Variants in TSC2 observed in about 807,000 individuals in gnomAD.
TSC2 encodes TSC complex subunit 2.
Under a neutral mutation model 202.2 loss-of-function variants are expected in TSC2, and 29 were observed. The ratio of observed to expected loss-of-function variants is 0.14; its 90% confidence interval spans 0.11 to 0.20. The LOEUF is 0.20. TSC2 is among the 10% of genes least tolerant of loss of function. TSC2 has a pLI of 1.00. For synonymous variants in TSC2, 1,349 were observed against 1,044.0 expected, an observed-to-expected ratio of 1.29 and a Z score of -5.63; for missense variants, 2,429 against 2,420.0, an observed-to-expected ratio of 1.00 and a Z score of -0.08.
chr16:2,082,547 T>G, intron 32 of TSC2, 43 bp downstream of exon 32: 1 of 1,599,272 alleles, frequency 6.3e-7, no homozygotes, highest in Non-Finnish European at 8.5e-7. Context: ...AGAGCGCCAC[T>G]CTGCCTCATA....
intron 26 of TSC2, chr16:2,078,649 T>A: frequency 2.8e-6 from 1 of 356,492 alleles, no homozygotes. Context: ...GACCTCTGTG[T>A]GCTTGCCGGA....
rs528244556 is a variant in TSC2, at chr16:2,082,754, C to A, written c.3883+250C>A. The A allele has an allele frequency of 3.2e-5, 19 of 590,230 alleles. No homozygotes were observed. The African/African-American group carries it at 3.3e-4, about 10-fold the overall frequency. 36.6% of individuals were successfully genotyped at this position (590,230 alleles called of 1,614,324 possible). On this transcript the variant is annotated intron_variant, in intron 32 of 41. Transcript: ENST00000219476. ...CGAGCACTCCCGGCCCAGCTTCAGG[C>A]CTGAGGGGTGGGGGTGGCCTGAGTC... is the stretch of plus-strand genomic sequence containing the variant.
intron 36 of TSC2, 147 bp from the exon 37 acceptor site, chr16:2,086,046 G>T: frequency 1.1e-6 from 1 of 919,308 alleles, no homozygotes; most frequent in Non-Finnish European, 1.7e-6. Context: ...CCGATGTCTG[G>T]CCTGGGTGGC....
Position 2,076,579 on chromosome 16 carries a change from C to G in TSC2, c.2831C>G (p.Pro944Arg). The G allele has an allele frequency of 6.2e-7, 1 of 1,613,114 alleles. No homozygotes were observed. The highest frequency in any genetic ancestry group is 8.5e-7 in the Non-Finnish European group (1 of 1,179,936). The change falls in exon 25 of 42, where the codon CCC becomes CGC. Residue 944 changes from proline to arginine, a missense_variant. Pro to Arg is a moderately radical substitution (Grantham distance 103, BLOSUM62 -2). Coordinates refer to ENST00000219476, the MANE Select transcript of TSC2 (RefSeq NM_000548.5). ...CGGAGTACTAGTCTCAACGAGAGACCCAAGAGGTACGGCCTGCGGGGGTGT... is the reference window on the plus strand; with the variant it reads ...CGGAGTACTAGTCTCAACGAGAGACGCAAGAGGTACGGCCTGCGGGGGTGT... ...RARSTSLNER[P>R]KSLRIARPPK...
Position 2,074,464 on chromosome 16 carries a change from C to T in TSC2, c.2545+75C>T, listed in dbSNP as rs1033014849. On this transcript the variant is annotated intron_variant, in intron 22 of 41. Transcript: ENST00000219476. ...AACCTGTGCGGGCTTCTCTGGTGCCCTCTCTCAGGACTCCTTGGGGAACCT... is the reference window on the plus strand; with the variant it reads ...AACCTGTGCGGGCTTCTCTGGTGCCTTCTCTCAGGACTCCTTGGGGAACCT... 11 of 1,564,382 alleles carry T rather than the reference C, an allele frequency of 7.0e-6. No individual in the cohort carries two copies. In the Admixed American group the frequency reaches 1.0e-4, roughly 15 times the overall value.
chr16:2,049,922 C>T (rs1036143781), intron 2 of TSC2, among the ~76,000 whole-genome samples: 1 of 150,944 alleles, frequency 6.6e-6, no homozygotes, highest in Non-Finnish European at 1.5e-5. Context: ...CTCAACTCCT[C>T]GGGATGGAGC....
In TSC2 at chr16:2,062,683, A is replaced by G; in HGVS notation, c.1361+83A>G. ...GGGCCCACCCGGGCTGGGTCTCAGG[A>G]TGCCCGATGAGCAGGGCCCTCCCCT... On this transcript the variant is annotated intron_variant, in intron 13 of 41. Coordinates refer to ENST00000219476, the MANE Select transcript of TSC2 (RefSeq NM_000548.5). 6.4e-6 allele frequency: 9 copies of G among 1,395,496 alleles called. No individual in the cohort carries two copies. In the South Asian group the frequency reaches 8.6e-5, roughly 13 times the overall value. 86.4% of individuals were successfully genotyped at this position (1,395,496 alleles called of 1,614,324 possible).
At chr16:2,088,419 T>TA in intron 41 of TSC2, 27 bp from the exon 42 acceptor site, 11 of 1,612,660 alleles carry the variant, frequency 6.8e-6, no homozygotes, top group South Asian at 2.2e-5. Context: ...CTCCCAGACT[T>TA]ACTGCCCAAG....
rs876660419 is a variant in TSC2, at chr16:2,077,593, G to A, written c.2838-5G>A. 13 of 1,612,824 alleles carry A rather than the reference G, an allele frequency of 8.1e-6. No individual in the cohort carries two copies. Among genetic ancestry groups the A allele is most frequent in the Middle Eastern group, 3.3e-4 (2 of 6,012 alleles). Reference sequence around the variant, plus strand: ...GGGCGTTGGGGCTCCTTCCTCACCCGATAGTCTGAGGATAGCCAGACCCCC... The same window carrying A: ...GGGCGTTGGGGCTCCTTCCTCACCCAATAGTCTGAGGATAGCCAGACCCCC... On this transcript the variant is annotated splice_polypyrimidine_tract_variant and splice_region_variant and intron_variant, in intron 25 of 41. Coordinates refer to ENST00000219476, the MANE Select transcript of TSC2 (RefSeq NM_000548.5).
chr16:2,070,269 A>G (rs908671793), intron 16 of TSC2, among the ~76,000 whole-genome samples, 187 bp from the exon 17 acceptor site: 2 of 152,194 alleles, frequency 1.3e-5, no homozygotes, highest in Non-Finnish European at 2.9e-5. Context: ...TGAGATGGGC[A>G]CGAGGTTGGG....
At chr16:2,048,824 A>G (rs987776410) in intron 2 of TSC2, 71 bp downstream of exon 2, 12 of 1,607,694 alleles carry the variant, frequency 7.5e-6, no homozygotes, top group Non-Finnish European at 1.0e-5. Flanking sequence ...GTCTTGCACC[A>G]GGTTCTGTGG....
In TSC2 at chr16:2,057,196, G is replaced by C; in HGVS notation, c.848+18G>C. 6.4e-7 allele frequency: 1 copy of C among 1,551,604 alleles called. No individual in the cohort carries two copies. Among genetic ancestry groups the C allele is most frequent in the Non-Finnish European group, 8.7e-7 (1 of 1,146,984 alleles). On this transcript the variant is annotated intron_variant, in intron 9 of 41. Transcript: ENST00000219476. The stretch of plus-strand genomic sequence containing the variant: ...GAGGACAGGTGAGTGTGGTGGGTGG[G>C]GCGCAGGGCAGTGGAGGCCAGCACA...
intron 31 of TSC2, chr16:2,082,131 G>C (rs1596402516): frequency 3.7e-5 from 22 of 588,892 alleles, no homozygotes; most frequent in Non-Finnish European, 6.1e-5. Flanking sequence ...GGACACCTGA[G>C]CCCGCCTGCG....
intron 24 of TSC2, 45 bp downstream of exon 24, chr16:2,076,215 G>A (rs929881698): frequency 3.1e-6 from 5 of 1,611,290 alleles, no homozygotes; most frequent in Non-Finnish European, 4.2e-6. Context: ...GTAGGCCAGG[G>A]CTTGCTTTGC....
At chr16:2,060,857 C>G (rs754147098) in intron 11 of TSC2, 44 bp downstream of exon 11, 5 of 1,607,872 alleles carry the variant, frequency 3.1e-6, no homozygotes, top group East Asian at 4.5e-5. Context: ...GGAACCCAGA[C>G]AGGCAGGCTC....
intron 10 of TSC2, 66 bp from the exon 11 acceptor site, chr16:2,060,604 C>A: frequency 6.2e-7 from 1 of 1,611,940 alleles, no homozygotes; most frequent in Non-Finnish European, 8.5e-7. Flanking sequence ...CCAAGGGTGA[C>A]TGGGAGGGCG....
intron 26 of TSC2, 142 bp from the exon 27 acceptor site, chr16:2,078,890 C>G (rs2089761569): frequency 4.7e-6 from 5 of 1,070,738 alleles, no homozygotes; most frequent in Non-Finnish European, 7.0e-6. Flanking sequence ...CAAGCTGAGG[C>G]TCGCTGGGCC....
At chr16:2,050,286 T>C (rs936679237) in intron 2 of TSC2, 114 bp from the exon 3 acceptor site, 2 of 1,024,904 alleles carry the variant, frequency 2.0e-6, no homozygotes, top group Non-Finnish European at 3.0e-6. Context: ...AAAGATCTGT[T>C]TTAAGTCTCT....
At chr16:2,056,551 C>G (rs2151075075) in intron 7 of TSC2, 93 bp from the exon 8 acceptor site, 1 of 1,546,364 alleles carries the variant, frequency 6.5e-7, no homozygotes, top group Non-Finnish European at 8.7e-7. Flanking sequence ...GGTGGCAGCG[C>G]AGGCTGAAGG....
Sources: allele counts gnomAD v4.1 joint callset (sites outside exome capture counted in the v4.1 genomes callset), GRCh38; gene constraint gnomAD v4.1.1; transcripts MANE v1.5; gene names NCBI Gene and HGNC (gene_info 2026-07-23, HGNC 2026-07-21).